SASH1: variants seen among roughly 807,000 people sequenced by gnomAD.
SASH1 encodes the protein SAM and SH3 domain containing 1, also known as SAM and SH3 domain-containing protein 1.
A neutral mutation model predicts 125.2 loss-of-function variants in SASH1; 44 were observed. That is an observed-to-expected ratio of 0.35 (90% CI 0.28 to 0.45). The LOEUF is 0.45. Among genes scored for constraint, SASH1 ranks in the 20% least tolerant of loss-of-function variants. The probability of loss-of-function intolerance (pLI) is 1.00; values close to 1 mark genes in which losing one functional copy is unlikely to be tolerated. For missense variants in SASH1, 1,426 were observed against 1,614.5 expected (o/e 0.88, Z 2.00); for synonymous variants, 639 against 649.1 (o/e 0.98, Z 0.24).
intron 7 of SASH1, among the ~76,000 whole-genome samples, chr6:148,478,389 T>C (rs1778465324): frequency 1.3e-5 from 2 of 152,234 alleles, no homozygotes; most frequent in Admixed American, 6.5e-5. Flanking sequence ...ATGGATAGAA[T>C]TGGAGGACAT....
intron 11 of SASH1, chr6:148,527,168 C>T: frequency 3.7e-6 from 1 of 273,722 alleles, no homozygotes; most frequent in South Asian, 5.9e-5. Flanking sequence ...AATGCAGCCC[C>T]CTTGGATGTT....
intron 7 of SASH1, among the ~76,000 whole-genome samples, chr6:148,485,275 C>T (rs1333836709): frequency 6.6e-6 from 1 of 152,108 alleles, no homozygotes; most frequent in Non-Finnish European, 1.5e-5. Context: ...TAGCATTTCA[C>T]AGGCCAATAT....
intron 1 of SASH1, among the ~76,000 whole-genome samples, chr6:148,281,921 C>A (rs1377716820): frequency 5.8e-5 from 8 of 136,982 alleles, no homozygotes; most frequent in African/African-American, 8.1e-5. Flanking sequence ...GACTCCGTCT[C>A]AAAAAAAAAA....
chr6:148,332,193 G>A (rs541028880), intron 1 of SASH1, among the ~76,000 whole-genome samples: 36 of 151,838 alleles, frequency 2.4e-4, no homozygotes, highest in Non-Finnish European at 4.9e-4. Flanking sequence ...TAAGGCATTT[G>A]TGGGGGAAAA....
chr6:148,461,130 G>A (rs1025251715), intron 4 of SASH1, among the ~76,000 whole-genome samples: 1 of 152,164 alleles, frequency 6.6e-6, no homozygotes, highest in Non-Finnish European at 1.5e-5. Context: ...GTCCATTAAG[G>A]GGTACTGTTT....
chr6:148,502,130 C>T (rs547344698), intron 8 of SASH1, among the ~76,000 whole-genome samples: 3 of 152,298 alleles, frequency 2.0e-5, no homozygotes, highest in African/African-American at 4.8e-5. Flanking sequence ...CCTCCTCCTC[C>T]GTCTCTTTCT....
chr6:148,387,703 G>C (rs956313669), intron 1 of SASH1, among the ~76,000 whole-genome samples: 2 of 128,122 alleles, frequency 1.6e-5, no homozygotes, highest in Non-Finnish European at 3.3e-5. Flanking sequence ...GGCATCCTTA[G>C]TAAATTATTT....
At chr6:148,534,995 C>A in intron 16 of SASH1, 94 bp downstream of exon 16, 1 of 1,304,196 alleles carries the variant, frequency 7.7e-7, no homozygotes, top group Non-Finnish European at 1.1e-6. Flanking sequence ...CCTGGAGTCA[C>A]TTATTCTGTC....
At chr6:148,377,263 G>A (rs1424616845) in intron 1 of SASH1, among the ~76,000 whole-genome samples, 2 of 151,974 alleles carry the variant, frequency 1.3e-5, no homozygotes, top group Non-Finnish European at 2.9e-5. Flanking sequence ...CCTGTGGAGG[G>A]AACCAGTGGC....
At chr6:148,530,073 G>A (rs372263927) in intron 12 of SASH1, among the ~76,000 whole-genome samples, 15 of 152,164 alleles carry the variant, frequency 9.9e-5, no homozygotes, top group African/African-American at 3.4e-4. Flanking sequence ...CCAGAGTGCT[G>A]GGATTACAGG....
At chr6:148,341,230 T>A (rs752203404), upstream of SASH1, among the ~76,000 whole-genome samples, 1 of 151,732 alleles carries the variant, frequency 6.6e-6, no homozygotes, top group South Asian at 2.1e-4. Context: ...ACTGTAACCT[T>A]CGCCTCCTGG....
chr6:148,342,011 C>T (rs1582988595), upstream of SASH1, among the ~76,000 whole-genome samples: 1 of 152,172 alleles, frequency 6.6e-6, no homozygotes, highest in African/African-American at 2.4e-5. Flanking sequence ...ACACACAGGG[C>T]CCCAAGTGTG....
upstream of SASH1, among the ~76,000 whole-genome samples, chr6:148,268,687 T>C (rs73595274): frequency 0.024 from 3,725 of 152,338 alleles, 169 homozygotes; most frequent in African/African-American, 0.085. Context: ...CCTTAAAATA[T>C]TTTCTCCTTT....
intron 1 of SASH1, among the ~76,000 whole-genome samples, chr6:148,317,502 G>A (rs1317375713): frequency 2.6e-5 from 4 of 152,202 alleles, no homozygotes; most frequent in Admixed American, 1.3e-4. Flanking sequence ...TCGGCTCACC[G>A]CAACCTCCGC....
chr6:148,267,814 C>T (rs971559284), upstream of SASH1, among the ~76,000 whole-genome samples: 1 of 152,126 alleles, frequency 6.6e-6, no homozygotes, highest in Non-Finnish European at 1.5e-5. Flanking sequence ...AATCAGCCTT[C>T]GAAGGGAAGG....
intron 7 of SASH1, among the ~76,000 whole-genome samples, chr6:148,486,984 T>G (rs1243790034): frequency 3.1e-5 from 3 of 95,820 alleles, no homozygotes; most frequent in Middle Eastern, 4.6e-3. Context: ...TATATATATA[T>G]ATATATATAT....
rs1445814094 is a variant in SASH1 at position 148,273,046 on chromosome 6, G to A, written n.74+669G>A. 2.6e-5 allele frequency among the ~76,000 whole-genome samples: 4 copies of A among 152,184 alleles called. No individual in the cohort carries two copies. In the East Asian group the frequency reaches 7.8e-4, roughly 30 times the overall value. On this transcript the variant is annotated intron_variant and non_coding_transcript_variant, in intron 1 of 3. Coordinates refer to the SASH1 transcript ENST00000367469. ...AGGCCGGGGCGGGAAGGTTCCTTGA[G>A]CCCAGGAATTGGAGACCAGCCTGGG...
chr6:148,340,731 C>T (rs1039763053), upstream of SASH1, among the ~76,000 whole-genome samples: 4 of 152,212 alleles, frequency 2.6e-5, no homozygotes, highest in Non-Finnish European at 4.4e-5. Flanking sequence ...CCTAGGAAAG[C>T]ACAAGACCTG....
chr6:148,521,646 G>A lies in SASH1; in HGVS notation c.1209+1753G>A, dbSNP rs529779039. The stretch of plus-strand genomic sequence containing the variant: ...TGGCTCTTTCTGTATCATGGCAACA[G>A]TTTTTCAATGGTTGAGTTTTTGTTT... On this transcript the variant is annotated intron_variant, in intron 10 of 19. Coordinates refer to ENST00000367467, the MANE Select transcript of SASH1 (RefSeq NM_015278.5). Among the ~76,000 whole-genome samples the A allele has an allele frequency of 3.9e-5, 6 of 152,314 alleles. No individual in the cohort carries two copies. In the South Asian group the frequency reaches 1.2e-3, roughly 32 times the overall value.
Sources: gnomAD v4.1 joint callset for allele counts (sites outside exome capture counted in the v4.1 genomes callset) on GRCh38, gnomAD v4.1.1 for gene constraint, MANE v1.5 for transcripts, NCBI Gene and HGNC (gene_info 2026-07-23, HGNC 2026-07-21) for gene names.